The following POM121 variants were observed in gnomAD, a reference collection of about 807,000 sequenced individuals.
POM121 encodes the protein nuclear envelope pore membrane protein POM 121.
Under a neutral mutation model 81.3 loss-of-function variants are expected in POM121, and 32 were observed. The observed-to-expected ratio is 0.39, with a 90% CI of 0.30 to 0.53. POM121 has a LOEUF of 0.53. POM121 is among the 20% of genes least tolerant of loss of function. The probability of loss-of-function intolerance (pLI) is 0.66; values close to 1 mark genes in which losing one functional copy is unlikely to be tolerated. For synonymous variants in POM121, 514 were observed against 694.2 expected (o/e 0.74, Z 4.08); for missense variants, 1,138 against 1,614.6 (o/e 0.70, Z 5.06).
chr7:72,949,750 A>G (rs1797941938), downstream of POM121: 19 of 830,960 alleles, frequency 2.3e-5, no homozygotes, highest in East Asian at 2.5e-5. Context: ...GTGCAGCAGG[A>G]AAGAGTTAAG....
rs200541969 is a variant in POM121 at position 72,940,901 on chromosome 7, C to T, written c.1751C>T (p.Ser584Phe). 1.3e-4 allele frequency: 203 copies of T among 1,577,602 alleles called. No homozygotes were observed. In the Middle Eastern group the frequency reaches 2.3e-3, roughly 18 times the overall value. ...ACCCTGCCTGCTGCTGCACCTGCCT[C>T]CCCACCCACCTCCCTCCTGGCCCCA... ...TFTLPAAAPA[S>F]PPTSLLAPST... Residue 584 changes from serine to phenylalanine, a missense_variant, in exon 10 of 13, where the codon TCC becomes TTC. Ser to Phe is a radical substitution (Grantham distance 155). Transcript: ENST00000434423.
downstream of POM121, chr7:72,948,654 C>T (rs1797873562): frequency 2.5e-6 from 4 of 1,603,956 alleles, no homozygotes; most frequent in Middle Eastern, 1.6e-4. Context: ...CCAAGCATGC[C>T]CCCACTCACT....
At chr7:72,934,291 G>T (rs539443494) in intron 5 of POM121, among the ~76,000 whole-genome samples, 3 of 152,064 alleles carry the variant, frequency 2.0e-5, no homozygotes, top group East Asian at 3.9e-4. Flanking sequence ...CACCATGTTG[G>T]CTAGGATGGT....
intron 4 of POM121, among the ~76,000 whole-genome samples, chr7:72,914,639 G>A (rs1238845946): frequency 6.6e-6 from 1 of 152,106 alleles, no homozygotes; most frequent in East Asian, 1.9e-4. Context: ...CTCCCAAAGT[G>A]CTGGGAGCAC....
At chr7:72,928,601 G>A (rs1241844464) in intron 4 of POM121, 136 bp downstream of exon 4, 7 of 1,050,962 alleles carry the variant, frequency 6.7e-6, no homozygotes, top group African/African-American at 4.8e-5. Context: ...AATTAGGAAC[G>A]TTTTGAGTAA....
intron 1 of POM121, among the ~76,000 whole-genome samples, chr7:72,882,928 GT>G: frequency 6.6e-6 from 1 of 152,226 alleles, no homozygotes; most frequent in South Asian, 2.1e-4. Flanking sequence ...TTTGACATCC[GT>G]TACTTCCAAA....
At chr7:72,924,926 C>A, upstream of POM121, 1 of 1,006,350 alleles carries the variant, frequency 9.9e-7, no homozygotes, top group Non-Finnish European at 1.3e-6. Context: ...CGCTGGGAGC[C>A]ACGCGGAAAA....
downstream of POM121, chr7:72,950,365 AT>A (rs1395716837): frequency 1.4e-6 from 1 of 731,050 alleles, no homozygotes; most frequent in Non-Finnish European, 2.3e-6. Flanking sequence ...AGCCAGACTT[AT>A]GGGTCAGGAG....
At chr7:72,929,804 C>G in intron 4 of POM121, 136 bp from the exon 5 acceptor site, 1 of 1,317,390 alleles carries the variant, frequency 7.6e-7, no homozygotes, top group Non-Finnish European at 9.9e-7. Flanking sequence ...ATAGATTTGG[C>G]CAGATTGTTA....
At position 72,939,976 on chromosome 7, in the gene POM121, C is replaced by T. The variant is rs1563166847; in HGVS notation, c.1563+8C>T. 7.5e-6 allele frequency: 12 copies of T among 1,604,262 alleles called. No individual in the cohort carries two copies. The South Asian group carries it at 7.7e-5, about 10-fold the overall frequency. On this transcript the variant is annotated splice_region_variant and intron_variant, in intron 8 of 12. Coordinates refer to ENST00000434423, the MANE Select transcript of POM121 (RefSeq NM_001387691.1). ...GGGGAACAGCTGACCTTGGTATGGT[C>T]TTGTCCATCTACTCCTGCCCTCCCC...
At chr7:72,890,788 G>A (rs1586071139) in intron 2 of POM121, 2 of 1,590,904 alleles carry the variant, frequency 1.3e-6, no homozygotes, top group East Asian at 2.2e-5. Flanking sequence ...GCTCTCAGTT[G>A]AATGGGGTTT....
downstream of POM121, chr7:72,948,544 G>GGGGCT (rs782427279): frequency 5.0e-6 from 8 of 1,613,408 alleles, no homozygotes; most frequent in African/African-American, 1.1e-4. Context: ...CTTTCTCTTT[G>GGGGCT]GGGCTGGGCT....
intron 5 of POM121, among the ~76,000 whole-genome samples, chr7:72,938,151 T>C (rs1185419485): frequency 6.6e-6 from 1 of 152,182 alleles, no homozygotes; most frequent in Admixed American, 6.5e-5. Flanking sequence ...TTTTCTTCTT[T>C]TGCTTTCATA....
chr7:72,939,777 A>C, intron 7 of POM121, 70 bp from the exon 8 acceptor site: 2 of 1,610,818 alleles, frequency 1.2e-6, no homozygotes, highest in Non-Finnish European at 1.7e-6. Context: ...TGAAATGCGA[A>C]GTGGGTAGAC....
intron 1 of POM121, among the ~76,000 whole-genome samples, chr7:72,885,112 A>G (rs1340000468): frequency 1.3e-5 from 2 of 152,220 alleles, no homozygotes; most frequent in African/African-American, 2.4e-5. Flanking sequence ...ATACAGGCCA[A>G]TGATTTTATA....
chr7:72,927,632 C>G (rs1795592914), intron 3 of POM121, among the ~76,000 whole-genome samples: 1 of 151,966 alleles, frequency 6.6e-6, no homozygotes, highest in African/African-American at 2.4e-5. Context: ...ATTGCTTGAA[C>G]CCAGGAGGCG....
chr7:72,882,628 A>C (rs1292645912), intron 1 of POM121, among the ~76,000 whole-genome samples: 1 of 152,182 alleles, frequency 6.6e-6, no homozygotes, highest in Non-Finnish European at 1.5e-5. Context: ...TCGTGATCCA[A>C]GTAAACAATT....
intron 12 of POM121, 121 bp downstream of exon 12, chr7:72,945,829 G>C (rs1416402175): frequency 4.8e-6 from 7 of 1,459,418 alleles, no homozygotes; most frequent in African/African-American, 1.4e-5. Context: ...AAGACATTTC[G>C]GGTTAGGAGT....
chr7:72,921,567 T>A (rs1309514474), upstream of POM121, among the ~76,000 whole-genome samples: 1 of 152,222 alleles, frequency 6.6e-6, no homozygotes. Context: ...CTCACAAGTT[T>A]CCTTACACTT....
Sources: gnomAD v4.1 joint callset for allele counts (sites outside exome capture counted in the v4.1 genomes callset) on GRCh38, gnomAD v4.1.1 for gene constraint, MANE v1.5 for transcripts, NCBI Gene and HGNC (gene_info 2026-07-23, HGNC 2026-07-21) for gene names.